The following GALNT17 variants were observed in gnomAD, a reference collection of about 807,000 sequenced individuals.
GALNT17 encodes the protein polypeptide N-acetylgalactosaminyltransferase 17.
In GALNT17, 29 loss-of-function variants were observed where a neutral mutation model predicts 63.7. That is an observed-to-expected ratio of 0.46 (90% CI 0.34 to 0.62). The LOEUF (loss-of-function observed/expected upper bound fraction) is 0.62, where lower values mean the gene tolerates loss of function less well. Among genes scored for constraint, GALNT17 ranks in the 20% least tolerant of loss-of-function variants. GALNT17 has a pLI of 0.01. For missense variants in GALNT17, 603 were observed against 799.6 expected (o/e 0.75, Z 2.97); for synonymous variants, 305 against 318.3 (o/e 0.96, Z 0.45).
rs1387461628 is a variant in GALNT17 at position 71,424,081 on chromosome 7, G to A, written c.962+2976G>A. 2.0e-5 allele frequency among the ~76,000 whole-genome samples: 3 copies of A among 152,210 alleles called. No homozygotes were observed. The East Asian group carries it at 5.8e-4, about 29-fold the overall frequency. ...CTTCCTCAAGCTGTCTTGTGGCTCA[G>A]CTCCCACACCAACTGTTCATCATGC... On this transcript the variant is annotated intron_variant, in intron 5 of 10. Coordinates refer to ENST00000333538, the MANE Select transcript of GALNT17 (RefSeq NM_022479.3).
At chr7:71,579,764 A>G (rs1204784279) in intron 6 of GALNT17, among the ~76,000 whole-genome samples, 3 of 152,206 alleles carry the variant, frequency 2.0e-5, no homozygotes, top group Non-Finnish European at 4.4e-5. Flanking sequence ...TGGGGCCCAG[A>G]TTATGAGGAT....
chr7:71,269,862 C>T (rs968468382), intron 1 of GALNT17, among the ~76,000 whole-genome samples: 1 of 152,068 alleles, frequency 6.6e-6, no homozygotes, highest in Non-Finnish European at 1.5e-5. Context: ...CCTTTGTCCC[C>T]CACAGATAAA....
intron 1 of GALNT17, among the ~76,000 whole-genome samples, chr7:71,240,676 C>CTTTTT (rs1562940440): frequency 6.6e-5 from 9 of 137,238 alleles, no homozygotes; most frequent in Admixed American, 1.6e-4. Flanking sequence ...TCTTTTTTTC[C>CTTTTT]TTTTTTTTGA....
At chr7:71,624,535 C>A (rs1790343461) in intron 6 of GALNT17, among the ~76,000 whole-genome samples, 1 of 151,850 alleles carries the variant, frequency 6.6e-6, no homozygotes, top group African/African-American at 2.4e-5. Context: ...ATGGTTTCAT[C>A]AGTAAGTGTC....
intron 5 of GALNT17, among the ~76,000 whole-genome samples, chr7:71,485,921 G>A (rs780868981): frequency 6.6e-6 from 1 of 152,078 alleles, no homozygotes; most frequent in Admixed American, 6.6e-5. Context: ...TAATTGTTAC[G>A]TTTCTCTGAT....
chr7:71,163,402 T>C (rs563423709), intron 1 of GALNT17, among the ~76,000 whole-genome samples: 3 of 151,824 alleles, frequency 2.0e-5, no homozygotes, highest in East Asian at 3.9e-4. Context: ...TACAGAAGAG[T>C]AGAGAGGAAA....
chr7:71,281,098 G>T (rs1480160025), intron 1 of GALNT17, among the ~76,000 whole-genome samples: 1 of 152,200 alleles, frequency 6.6e-6, no homozygotes, highest in Admixed American at 6.5e-5. Flanking sequence ...AATGCCCAAA[G>T]TTGCCAGGTT....
intron 1 of GALNT17, among the ~76,000 whole-genome samples, chr7:71,173,825 G>A (rs1309633712): frequency 6.6e-6 from 1 of 152,024 alleles, no homozygotes; most frequent in Non-Finnish European, 1.5e-5. Context: ...TCAAGCTCAG[G>A]GTATTTTTTT....
chr7:71,442,462 G>A (rs1787085599), intron 5 of GALNT17, among the ~76,000 whole-genome samples: 1 of 152,110 alleles, frequency 6.6e-6, no homozygotes, highest in African/African-American at 2.4e-5. Context: ...GCCTCCCAAA[G>A]TGCTGGGATT....
intron 1 of GALNT17, among the ~76,000 whole-genome samples, chr7:71,247,110 T>G (rs775165422): frequency 2.0e-5 from 3 of 152,086 alleles, no homozygotes; most frequent in Non-Finnish European, 4.4e-5. Context: ...TTGTGTTTGG[T>G]TTGTTCTTAT....
intron 5 of GALNT17, among the ~76,000 whole-genome samples, chr7:71,447,144 G>A (rs992228836): frequency 2.0e-5 from 3 of 152,082 alleles, no homozygotes; most frequent in Non-Finnish European, 2.9e-5. Flanking sequence ...GTAAGCATTC[G>A]AATCCACAGG....
At chr7:71,494,276 C>T (rs547581512) in intron 5 of GALNT17, among the ~76,000 whole-genome samples, 2 of 152,016 alleles carry the variant, frequency 1.3e-5, no homozygotes, top group Admixed American at 1.3e-4. Context: ...ATCCAATCAC[C>T]TCCCACCAGG....
chr7:71,661,494 T>C (rs935876988), intron 6 of GALNT17, among the ~76,000 whole-genome samples: 9 of 152,210 alleles, frequency 5.9e-5, no homozygotes, highest in African/African-American at 1.7e-4. Context: ...CCTCGTCTTC[T>C]GTCTCACACA....
chr7:71,375,294 G>A (rs1792700521), intron 2 of GALNT17, among the ~76,000 whole-genome samples: 2 of 152,148 alleles, frequency 1.3e-5, no homozygotes, highest in Admixed American at 6.5e-5. Flanking sequence ...AAGGAAAATC[G>A]GCTCATTTGG....
At chr7:71,391,934 A>T (rs190216387) in intron 3 of GALNT17, among the ~76,000 whole-genome samples, 1 of 152,158 alleles carries the variant, frequency 6.6e-6, no homozygotes, top group African/African-American at 2.4e-5. Flanking sequence ...GGTGAGTGTC[A>T]CATGATGAGA....
At position 71,677,308 on chromosome 7, in the gene GALNT17, T is replaced by C. The variant is rs775654531; in HGVS notation, c.1500+2T>C. On this transcript the variant is annotated splice_donor_variant, in intron 9 of 10. Coordinates refer to ENST00000333538, the MANE Select transcript of GALNT17 (RefSeq NM_022479.3). LOFTEE classifies it high-confidence loss of function. ...CCGTGCCATGGCTGGGGACCACAGG[T>C]AGGAGCTCGTCTCTGACCAGGAAGG... 1 of 1,613,348 alleles carries C rather than the reference T, an allele frequency of 6.2e-7. No homozygotes were observed. The highest frequency in any genetic ancestry group is 1.1e-5 in the South Asian group (1 of 91,000).
chr7:71,154,871 C>T (rs10950248), intron 1 of GALNT17, among the ~76,000 whole-genome samples: 50,836 of 151,546 alleles, frequency 0.34, 9,170 homozygotes, highest in Middle Eastern at 0.38. Flanking sequence ...CCACCGCGCC[C>T]GGCCACAATA....
chr7:71,707,548 A>AT (rs1791738597), intron 9 of GALNT17, among the ~76,000 whole-genome samples: 2 of 152,228 alleles, frequency 1.3e-5, no homozygotes, highest in South Asian at 2.1e-4. Flanking sequence ...AACAATATGC[A>AT]TTTTTTATTG....
At chr7:71,314,589 T>C (rs146639904) in intron 1 of GALNT17, among the ~76,000 whole-genome samples, 29 of 152,312 alleles carry the variant, frequency 1.9e-4, no homozygotes, top group African/African-American at 5.3e-4. Flanking sequence ...TGTTCTATTT[T>C]TGTTTTGTTT....
Sources: gnomAD v4.1 joint callset for allele counts (sites outside exome capture counted in the v4.1 genomes callset) on GRCh38, gnomAD v4.1.1 for gene constraint, MANE v1.5 for transcripts, NCBI Gene and HGNC (gene_info 2026-07-23, HGNC 2026-07-21) for gene names.